AHDC1: variants seen among roughly 807,000 people sequenced by gnomAD.
AHDC1 encodes the protein AT-hook DNA binding motif containing 1.
Under a neutral mutation model 87.9 loss-of-function variants are expected in AHDC1, and 7 were observed. That is an observed-to-expected ratio of 0.08 (90% confidence interval 0.05 to 0.15). The LOEUF (loss-of-function observed/expected upper bound fraction) is 0.15. Among genes scored for constraint, AHDC1 ranks in the 10% least tolerant of loss-of-function variants. The probability of loss-of-function intolerance (pLI) is 1.00; values close to 1 mark genes in which losing one functional copy is unlikely to be tolerated. For missense variants in AHDC1, 1,841 were observed against 2,253.2 expected (o/e 0.82, Z 3.70); for synonymous variants, 1,051 against 1,006.8 (o/e 1.04, Z -0.83).
At chr1:27,591,501 C>G (rs971815820) in intron 3 of AHDC1, among the ~76,000 whole-genome samples, 1 of 152,204 alleles carries the variant, frequency 6.6e-6, no homozygotes, top group Non-Finnish European at 1.5e-5. Flanking sequence ...TTAGGCCCTG[C>G]CCTCTGTCCA....
At position 27,551,312 on chromosome 1, in the gene AHDC1, C is replaced by T. The variant is rs763676739; in HGVS notation, c.804G>A (p.Ser268=). ...LLEAQALEPP[S]PEPEPQLLDP... ...CCAGGAGCTGAGGCTCCGGCTCGGGCGATGGTGGCTCGAGGGCCTGGGCCT... is the reference window on the plus strand; with the variant it reads ...CCAGGAGCTGAGGCTCCGGCTCGGGTGATGGTGGCTCGAGGGCCTGGGCCT... The change falls in exon 8 of 9, where the codon TCG becomes TCA. Residue 268 remains serine, a synonymous_variant. Coordinates refer to ENST00000673934, the MANE Select transcript of AHDC1 (RefSeq NM_001371928.1). 1.3e-5 allele frequency: 21 copies of T among 1,612,102 alleles called. No individual in the cohort carries two copies. The highest frequency in any genetic ancestry group is 1.7e-5 in the Non-Finnish European group (20 of 1,179,450).
chr1:27,578,720 G>GTTTTT (rs2088826436), intron 3 of AHDC1, among the ~76,000 whole-genome samples: 1 of 148,014 alleles, frequency 6.8e-6, no homozygotes. Flanking sequence ...TTTTTGACAC[G>GTTTTT]GAGTCTTACA....
intron 5 of AHDC1, among the ~76,000 whole-genome samples, chr1:27,556,840 ATCC>A (rs2019837720): frequency 6.7e-6 from 1 of 148,814 alleles, no homozygotes; most frequent in Non-Finnish European, 1.5e-5. Flanking sequence ...CTTCTAATCT[ATCC>A]TCCTCTCAGC....
chr1:27,577,300 GCC>G (rs2088783116), intron 3 of AHDC1, among the ~76,000 whole-genome samples: 1 of 152,206 alleles, frequency 6.6e-6, no homozygotes, highest in Non-Finnish European at 1.5e-5. Context: ...CTGGTCGGTT[GCC>G]CCACTGCAGC....
chr1:27,543,195 G>A (rs930841385), intron 8 of AHDC1, among the ~76,000 whole-genome samples: 3 of 152,240 alleles, frequency 2.0e-5, no homozygotes, highest in Admixed American at 1.3e-4. Context: ...CTGAGAGGGA[G>A]TAGGGAGGGG....
intron 3 of AHDC1, among the ~76,000 whole-genome samples, chr1:27,570,280 C>T (rs2020510155): frequency 6.6e-6 from 1 of 152,066 alleles, no homozygotes; most frequent in Non-Finnish European, 1.5e-5. Context: ...GATCACGTTG[C>T]AAACTCCCCC....
chr1:27,594,786 A>T (rs2089321154), intron 3 of AHDC1, among the ~76,000 whole-genome samples: 1 of 152,090 alleles, frequency 6.6e-6, no homozygotes, highest in African/African-American at 2.4e-5. Context: ...GGAATGTGCC[A>T]ACGGTGGGAG....
chr1:27,576,962 C>G (rs1310557097), intron 3 of AHDC1, among the ~76,000 whole-genome samples: 1 of 152,294 alleles, frequency 6.6e-6, no homozygotes, highest in East Asian at 1.9e-4. Flanking sequence ...CCCACACCCC[C>G]CAACGCCAGC....
rs1489264169 is a variant in AHDC1 at position 27,595,297 on chromosome 1, T to C, written c.-629+8100A>G. The stretch of plus-strand genomic sequence containing the variant: ...TGCTGAGCTATAGCTGGGAGAAACG[T>C]TGGGGGCTGTGGGCAGAGTGTGTGT... On this transcript the variant is annotated intron_variant, in intron 3 of 8. Transcript: ENST00000673934. This position sits in a 1 kb window ranked among gnomAD's most constrained non-coding sequence, Gnocchi z 4.0. 3.3e-5 allele frequency among the ~76,000 whole-genome samples: 5 copies of C among 151,566 alleles called. No individual in the cohort carries two copies. The highest frequency in any genetic ancestry group is 2.0e-4 in the Admixed American group (3 of 15,224).
intron 3 of AHDC1, among the ~76,000 whole-genome samples, chr1:27,602,024 C>T (rs1054393945): frequency 5.9e-5 from 9 of 152,300 alleles, no homozygotes; most frequent in African/African-American, 2.2e-4. Context: ...ACAGGCCCCC[C>T]AAGGGTCCCT....
At chr1:27,589,525 C>T (rs2089163579) in intron 3 of AHDC1, among the ~76,000 whole-genome samples, 1 of 152,128 alleles carries the variant, frequency 6.6e-6, no homozygotes, top group Non-Finnish European at 1.5e-5. Context: ...TTTGTGGGTC[C>T]ATGCGGCCTT....
chr1:27,599,001 T>C (rs914046167), intron 3 of AHDC1, among the ~76,000 whole-genome samples: 1 of 152,038 alleles, frequency 6.6e-6, no homozygotes, highest in African/African-American at 2.4e-5. Flanking sequence ...CCACAATGGA[T>C]GGGGAAACTG....
rs2019001397 is a variant in AHDC1, at chr1:27,543,083, C to T, written c.*43+4178G>A. Among the ~76,000 whole-genome samples, 4 of 152,202 alleles carry T rather than the reference C, an allele frequency of 2.6e-5. 1 individual carries two copies. The South Asian group carries it at 6.2e-4, about 24-fold the overall frequency. On this transcript the variant is annotated intron_variant, in intron 8 of 8. Transcript: ENST00000673934. ...TCCAGGCCCGGGCATGCCTGCTGAC[C>T]CCGGCTGGATGGTGGCCTTGGAAAC...
In AHDC1 at chr1:27,590,336, G is replaced by A. The variant is rs1335154116; in HGVS notation, c.-629+13061C>T. The stretch of plus-strand genomic sequence containing the variant: ...TCCAACCTACTGTTTGCCTGGGCCT[G>A]TGGGAAGGCCAGACCCTTCCAGGCC... On this transcript the variant is annotated intron_variant, in intron 3 of 8. Transcript: ENST00000673934. This position sits in a 1 kb window ranked among gnomAD's most constrained non-coding sequence, Gnocchi z 5.4. Among the ~76,000 whole-genome samples the A allele has an allele frequency of 6.6e-6, 1 of 152,186 alleles. No homozygotes were observed. Among genetic ancestry groups the A allele is most frequent in the Non-Finnish European group, 1.5e-5 (1 of 68,014 alleles).
At position 27,561,347 on chromosome 1, in the gene AHDC1, G is replaced by C. The variant is rs187829835; in HGVS notation, c.-628-2464C>G. 5.7e-3 allele frequency among the ~76,000 whole-genome samples: 801 copies of C among 140,164 alleles called. 70 individuals carry two copies. In the South Asian group the frequency reaches 0.16, roughly 27 times the overall value. The allele number at this position is 140,164 out of a possible 152,430, so 92.0% of individuals were successfully genotyped here. A position where few individuals can be genotyped will look rare whatever the true frequency, so the allele number is the denominator to read the frequency against. ...GGGGTCTGCCTGGCCCTGAGTGTTG[G>C]GGGGGAACTTCAGGAGCAAAGCTGC... On this transcript the variant is annotated intron_variant, in intron 3 of 8. Transcript: ENST00000673934. The surrounding 1 kb of genome is among the most constrained non-coding windows in gnomAD (Gnocchi z 4.2).
At chr1:27,540,310 G>A (rs1273606756) in intron 8 of AHDC1, among the ~76,000 whole-genome samples, 1 of 152,046 alleles carries the variant, frequency 6.6e-6, no homozygotes, top group Non-Finnish European at 1.5e-5. Flanking sequence ...CCTGATGACA[G>A]GGTGAAATTG....
At chr1:27,579,825 TA>T (rs2088859285) in intron 3 of AHDC1, among the ~76,000 whole-genome samples, 1 of 152,254 alleles carries the variant, frequency 6.6e-6, no homozygotes, top group Non-Finnish European at 1.5e-5. Context: ...CTAAAATTTT[TA>T]CTTTCCAGAA....
chr1:27,560,901 G>GTGTGTC lies in AHDC1; in HGVS notation c.-628-2024_-628-2019dup, dbSNP rs2020049110. 1.3e-5 allele frequency among the ~76,000 whole-genome samples: 2 copies of GTGTGTC among 152,106 alleles called. No homozygotes were observed. The highest frequency in any genetic ancestry group is 1.3e-4 in the Admixed American group (2 of 15,284). ...AGATACCCTTTGTGAGACGGTGTGTGTGTGTCTGTGTCACTGTGTTTGTGT... is the reference window on the plus strand; with the variant it reads ...AGATACCCTTTGTGAGACGGTGTGTGTGTGTCTGTGTCTGTGTCACTGTGTTTGTGT... On this transcript the variant is annotated intron_variant, in intron 3 of 8. Transcript: ENST00000673934. The surrounding 1 kb of genome is among the most constrained non-coding windows in gnomAD (Gnocchi z 4.1).
chr1:27,581,499 G>C (rs1557697590), intron 3 of AHDC1, among the ~76,000 whole-genome samples: 1 of 151,610 alleles, frequency 6.6e-6, no homozygotes, highest in Non-Finnish European at 1.5e-5. Context: ...ATAAAGAAGG[G>C]ACCCTCAGAA....
Sources: allele counts gnomAD v4.1 joint callset (sites outside exome capture counted in the v4.1 genomes callset), GRCh38; gene constraint gnomAD v4.1.1; non-coding constraint Gnocchi (gnomAD v3.1); transcripts MANE v1.5; gene names NCBI Gene and HGNC (gene_info 2026-07-23, HGNC 2026-07-21).